HRH2: variants seen among roughly 807,000 people sequenced by gnomAD.
HRH2 encodes the protein histamine H2 receptor.
HRH2 carries 4 observed loss-of-function variants against 20.1 expected under a neutral mutation model. The ratio of observed to expected loss-of-function variants is 0.20; its 90% confidence interval spans 0.10 to 0.45. The LOEUF (loss-of-function observed/expected upper bound fraction) is 0.45. Among genes scored for constraint, HRH2 ranks in the 20% least tolerant of loss-of-function variants. The pLI is 0.99. For missense variants in HRH2, 250 were observed against 461.6 expected, an observed-to-expected ratio of 0.54 and a Z score of 4.20; for synonymous variants, 197 against 200.7, an observed-to-expected ratio of 0.98 and a Z score of 0.16.
rs112568043 is a variant in HRH2, at chr5:175,676,515, G to A, written c.-525-6194G>A. Among the ~76,000 whole-genome samples, 781 of 152,312 alleles carry A rather than the reference G, an allele frequency of 5.1e-3. 12 individuals carry two copies. The highest frequency in any genetic ancestry group is 0.018 in the African/African-American group (739 of 41,554). Reference sequence around the variant, plus strand: ...ATCCCCAGCCCCTGCCCCAGGGCTCGTCTCCGGCTCCTGGGCAAAGGCAAG... The same window carrying A: ...ATCCCCAGCCCCTGCCCCAGGGCTCATCTCCGGCTCCTGGGCAAAGGCAAG... On this transcript the variant is annotated intron_variant, in intron 1 of 2. Transcript: ENST00000636584.
intron 1 of HRH2, among the ~76,000 whole-genome samples, chr5:175,680,588 C>T (rs999359683): frequency 2.0e-5 from 3 of 152,164 alleles, no homozygotes; most frequent in East Asian, 1.9e-4. Context: ...GTGACAATGA[C>T]GGTGACAAGG....
rs114293628 is a variant in HRH2 at position 175,698,821 on chromosome 5, C to T, written c.1077-8958C>T. ...TGACAACTGTTGATCTCAAGTAAGT[C>T]CCACGGGGTTCATTTCACCTCATTG... On this transcript the variant is annotated intron_variant, in intron 2 of 2. Transcript: ENST00000636584. Among the ~76,000 whole-genome samples the T allele has an allele frequency of 2.4e-3, 361 of 152,290 alleles. 4 individuals are homozygous for T. The highest frequency in any genetic ancestry group is 8.2e-3 in the African/African-American group (340 of 41,552).
chr5:175,682,268 G>T (rs1372274913), intron 1 of HRH2, among the ~76,000 whole-genome samples: 1 of 152,202 alleles, frequency 6.6e-6, no homozygotes. Flanking sequence ...CACCAGATAT[G>T]GTTCTCAGCA....
intron 2 of HRH2, among the ~76,000 whole-genome samples, chr5:175,688,754 G>A (rs879311754): frequency 2.6e-5 from 4 of 152,180 alleles, no homozygotes; most frequent in Non-Finnish European, 4.4e-5. Context: ...ATACCAGATA[G>A]GGAAAATGAG....
rs1211263189 is a variant in HRH2, at chr5:175,682,973, C to T, written c.-261C>T. On this transcript the variant is annotated 5_prime_UTR_variant, in exon 2 of 3. Transcript: ENST00000636584. ...TTGATCCATGAACCTGGCTTCGAGGCCTTGCTTTTCTCTCTTCTTCATTCA... is the reference window on the plus strand; with the variant it reads ...TTGATCCATGAACCTGGCTTCGAGGTCTTGCTTTTCTCTCTTCTTCATTCA... The T allele has an allele frequency of 2.3e-6, 1 of 435,104 alleles. No individual in the cohort carries two copies. The highest frequency in any genetic ancestry group is 4.0e-6 in the Non-Finnish European group (1 of 247,076). The allele number at this position is 435,104 out of a possible 1,614,324, so 27.0% of individuals were successfully genotyped here. A position where few individuals can be genotyped will look rare whatever the true frequency, so the allele number is the denominator to read the frequency against.
At chr5:175,685,070 G>A (rs1248385250) in intron 2 of HRH2, among the ~76,000 whole-genome samples, 12 of 152,164 alleles carry the variant, frequency 7.9e-5, no homozygotes, top group Admixed American at 7.9e-4. Context: ...CAAAATCAAG[G>A]AGGCCATAGA....
rs935433088 is a variant in HRH2 at position 175,686,836 on chromosome 5, C to T, written c.1076+2527C>T. On this transcript the variant is annotated intron_variant, in intron 2 of 2. Transcript: ENST00000636584. The surrounding 1 kb of genome is among the most constrained non-coding windows in gnomAD (Gnocchi z 4.7). The stretch of plus-strand genomic sequence containing the variant: ...CACACAGAAGTCAAGTAAACTGCCC[C>T]AAGGGATACAACCCAAAGTTGCGAT... Among the ~76,000 whole-genome samples, 3 of 152,206 alleles carry T rather than the reference C, an allele frequency of 2.0e-5. No individual in the cohort carries two copies. Among genetic ancestry groups the T allele is most frequent in the Non-Finnish European group, 4.4e-5 (3 of 68,034 alleles).
chr5:175,682,096 G>A (rs746453138), intron 1 of HRH2, among the ~76,000 whole-genome samples: 2 of 152,208 alleles, frequency 1.3e-5, no homozygotes, highest in African/African-American at 2.4e-5. Flanking sequence ...GTGCAGCCAC[G>A]CTCTTCTGTC....
At chr5:175,702,317 G>C (rs1432158299) in intron 2 of HRH2, among the ~76,000 whole-genome samples, 2 of 151,872 alleles carry the variant, frequency 1.3e-5, no homozygotes, top group African/African-American at 4.8e-5. Flanking sequence ...TGGAAGAAAT[G>C]AATGAAAATA....
In HRH2 at chr5:175,683,102, A is replaced by C. The variant is rs1051723646; in HGVS notation, c.-132A>C. The C allele has an allele frequency of 2.7e-5, 34 of 1,248,354 alleles. No individual in the cohort carries two copies. The East Asian group carries it at 7.6e-4, about 28-fold the overall frequency. 77.3% of individuals were successfully genotyped at this position (1,248,354 alleles called of 1,614,324 possible). On this transcript the variant is annotated 5_prime_UTR_variant, in exon 2 of 3. Transcript: ENST00000636584. ...CCCCACCCCCTGGCCAAAAAAAAAA[A>C]AAAAAAAAAACTGGACACATTTTGG...
intron 1 of HRH2, among the ~76,000 whole-genome samples, chr5:175,680,995 G>T (rs1437084591): frequency 1.3e-5 from 2 of 152,056 alleles, no homozygotes; most frequent in African/African-American, 4.8e-5. Flanking sequence ...AGAGAGGCTG[G>T]TCCACTCAGA....
Position 175,701,696 on chromosome 5 carries a change from A to G in HRH2, c.1077-6083A>G, listed in dbSNP as rs79947014. ...AACCCTGAAGCCAGGGCAAAGGGAA[A>G]TAGGTCAACTCCACCTAATCTACAA... is the stretch of plus-strand genomic sequence containing the variant. On this transcript the variant is annotated intron_variant, in intron 2 of 2. Transcript: ENST00000636584. Among the ~76,000 whole-genome samples the G allele has an allele frequency of 1.3e-3, 194 of 152,328 alleles. 1 individual carries two copies. In the East Asian group the frequency reaches 0.032, roughly 25 times the overall value.
At chr5:175,673,861 C>T (rs965707088) in intron 1 of HRH2, among the ~76,000 whole-genome samples, 3 of 151,994 alleles carry the variant, frequency 2.0e-5, no homozygotes, top group Non-Finnish European at 2.9e-5. Flanking sequence ...CCCGCCACCA[C>T]GCCCTGCTAA....
chr5:175,685,548 T>C, intron 2 of HRH2: 1 of 1,435,832 alleles, frequency 7.0e-7, no homozygotes, highest in Non-Finnish European at 9.6e-7. Context: ...GATGTAGAAA[T>C]GAGATTTTTT....
chr5:175,675,904 G>A (rs182850844), intron 1 of HRH2, among the ~76,000 whole-genome samples: 1 of 152,336 alleles, frequency 6.6e-6, no homozygotes, highest in Admixed American at 6.5e-5. Context: ...TCCTGTCCCA[G>A]CTCCCATTTC....
intron 2 of HRH2, among the ~76,000 whole-genome samples, chr5:175,688,949 C>T (rs1474332494): frequency 2.0e-5 from 3 of 152,040 alleles, no homozygotes; most frequent in African/African-American, 4.8e-5. Flanking sequence ...TCCCAGTCTC[C>T]GGGCGTGGCC....
At chr5:175,695,987 C>G (rs1050749450) in intron 2 of HRH2, among the ~76,000 whole-genome samples, 3 of 152,282 alleles carry the variant, frequency 2.0e-5, no homozygotes, top group African/African-American at 4.8e-5. Context: ...TGATTCCCAG[C>G]TCTGCCAGGC....
intron 2 of HRH2, among the ~76,000 whole-genome samples, chr5:175,700,919 A>G (rs1756771515): frequency 6.6e-6 from 1 of 152,134 alleles, no homozygotes; most frequent in South Asian, 2.1e-4. Flanking sequence ...AAACAGGATA[A>G]ATTGACCAGC....
intron 1 of HRH2, among the ~76,000 whole-genome samples, chr5:175,670,688 T>C (rs994715899): frequency 3.9e-5 from 6 of 152,236 alleles, no homozygotes. Flanking sequence ...TGCAACCACC[T>C]GCCTGGGGCA....
Sources: allele counts gnomAD v4.1 joint callset (sites outside exome capture counted in the v4.1 genomes callset), GRCh38; gene constraint gnomAD v4.1.1; non-coding constraint Gnocchi (gnomAD v3.1); transcripts MANE v1.5; gene names NCBI Gene and HGNC (gene_info 2026-07-23, HGNC 2026-07-21).